SPTLC3: variants seen among roughly 807,000 people sequenced by gnomAD.
The protein encoded by SPTLC3 is serine palmitoyltransferase 3.
In SPTLC3, 36 loss-of-function variants were observed where a neutral mutation model predicts 59.3. The ratio of observed to expected loss-of-function variants is 0.61; its 90% CI spans 0.47 to 0.80. The LOEUF is 0.80. SPTLC3 is among the 30% of genes least tolerant of loss of function. The pLI is 0.00. For synonymous variants in SPTLC3, 257 were observed against 240.8 expected, an observed-to-expected ratio of 1.07 and a Z score of -0.62; for missense variants, 625 against 685.1, an observed-to-expected ratio of 0.91 and a Z score of 0.98.
intron 6 of SPTLC3, among the ~76,000 whole-genome samples, chr20:13,108,033 C>T (rs1990002821): frequency 6.6e-6 from 1 of 152,018 alleles, no homozygotes; most frequent in South Asian, 2.1e-4. Flanking sequence ...TAGTATGCAG[C>T]ATCTTATTCA....
At chr20:13,029,968 G>A (rs1404668734) in intron 1 of SPTLC3, among the ~76,000 whole-genome samples, 3 of 152,200 alleles carry the variant, frequency 2.0e-5, no homozygotes, top group African/African-American at 4.8e-5. Context: ...TCTAGCATCA[G>A]GGGACAGGAA....
intron 9 of SPTLC3, among the ~76,000 whole-genome samples, chr20:13,143,203 G>T (rs1254739651): frequency 3.3e-5 from 5 of 152,188 alleles, no homozygotes; most frequent in Non-Finnish European, 7.3e-5. Flanking sequence ...GGCCAGGTTG[G>T]CTGTAGGTGC....
chr20:13,111,507 G>A (rs75590479), intron 7 of SPTLC3, among the ~76,000 whole-genome samples: 4,806 of 152,302 alleles, frequency 0.032, 118 homozygotes, highest in South Asian at 0.078. Context: ...TCAAAATGTC[G>A]ATAGTGCTAA....
At chr20:13,125,778 G>A (rs2122788946) in intron 8 of SPTLC3, among the ~76,000 whole-genome samples, 1 of 152,296 alleles carries the variant, frequency 6.6e-6, no homozygotes, top group South Asian at 2.1e-4. Context: ...GGCATTTTGA[G>A]GCATAGACCC....
At chr20:13,154,432 C>A (rs949522969) in intron 10 of SPTLC3, among the ~76,000 whole-genome samples, 1 of 152,116 alleles carries the variant, frequency 6.6e-6, no homozygotes, top group African/African-American at 2.4e-5. Context: ...CAATCCTGAG[C>A]CTCCTTCTGA....
intron 1 of SPTLC3, among the ~76,000 whole-genome samples, chr20:13,024,930 G>A (rs1986070711): frequency 6.6e-6 from 1 of 152,148 alleles, no homozygotes; most frequent in Non-Finnish European, 1.5e-5. Context: ...CATGAAGAAA[G>A]CAAAGGCCAG....
intron 1 of SPTLC3, among the ~76,000 whole-genome samples, chr20:13,028,690 A>C (rs1401078612): frequency 3.5e-5 from 5 of 143,218 alleles, no homozygotes; most frequent in Non-Finnish European, 7.4e-5. Context: ...AAGTAGATAC[A>C]AGATAAGAAT....
At chr20:13,056,297 G>A (rs903570531) in intron 2 of SPTLC3, among the ~76,000 whole-genome samples, 3 of 152,102 alleles carry the variant, frequency 2.0e-5, no homozygotes, top group African/African-American at 7.2e-5. Context: ...AGATAAATGT[G>A]CCTTTCACAT....
At chr20:13,086,884 C>T (rs1367446828) in intron 4 of SPTLC3, among the ~76,000 whole-genome samples, 12 of 152,216 alleles carry the variant, frequency 7.9e-5, no homozygotes, top group South Asian at 6.2e-4. Flanking sequence ...GCCTCAACCT[C>T]CTAAGCTCAA....
chr20:13,090,966 C>T, intron 4 of SPTLC3, 117 bp from the exon 5 acceptor site: 1 of 1,390,286 alleles, frequency 7.2e-7, no homozygotes, highest in Non-Finnish European at 9.7e-7. Flanking sequence ...GCAAATCTTC[C>T]TGCTACAAGC....
chr20:13,126,484 G>T, intron 8 of SPTLC3, 107 bp from the exon 9 acceptor site: 1 of 1,337,826 alleles, frequency 7.5e-7, no homozygotes, highest in Non-Finnish European at 1.0e-6. Flanking sequence ...TTGAGCATGA[G>T]ATCAAATGTC....
chr20:13,023,745 T>C (rs550156218), intron 1 of SPTLC3, among the ~76,000 whole-genome samples: 29 of 152,326 alleles, frequency 1.9e-4, no homozygotes, highest in Middle Eastern at 6.8e-3. Flanking sequence ...TCTCTATTGC[T>C]ATCCAGATAT....
intron 2 of SPTLC3, 146 bp from the exon 3 acceptor site, chr20:13,072,110 C>G (rs1352534310): frequency 1.2e-6 from 1 of 806,674 alleles, no homozygotes; most frequent in Non-Finnish European, 1.9e-6. Flanking sequence ...CACAGATTTA[C>G]TTCCCTCACC....
At chr20:13,094,591 A>G (rs1989347468) in intron 6 of SPTLC3, among the ~76,000 whole-genome samples, 1 of 152,220 alleles carries the variant, frequency 6.6e-6, no homozygotes, top group African/African-American at 2.4e-5. Context: ...GAACTGAGGA[A>G]GAATTGTTTC....
At chr20:13,079,317 G>A (rs1236594893) in intron 4 of SPTLC3, among the ~76,000 whole-genome samples, 1 of 152,124 alleles carries the variant, frequency 6.6e-6, no homozygotes, top group Non-Finnish European at 1.5e-5. Flanking sequence ...GATAAGAAGA[G>A]TATTTCAGAT....
intron 6 of SPTLC3, among the ~76,000 whole-genome samples, chr20:13,104,721 T>C (rs996909717): frequency 2.6e-5 from 4 of 152,170 alleles, no homozygotes; most frequent in Non-Finnish European, 5.9e-5. Flanking sequence ...TGGTGTGTCA[T>C]TGTGACTCAA....
chr20:13,077,974 G>T (rs1245260195), intron 4 of SPTLC3, among the ~76,000 whole-genome samples: 1 of 151,666 alleles, frequency 6.6e-6, no homozygotes, highest in African/African-American at 2.4e-5. Context: ...TAAGTCACTG[G>T]AGGTGATTCT....
At chr20:13,083,527 G>A (rs1328810958) in intron 4 of SPTLC3, among the ~76,000 whole-genome samples, 1 of 152,132 alleles carries the variant, frequency 6.6e-6, no homozygotes, top group African/African-American at 2.4e-5. Flanking sequence ...ACAGAACTGA[G>A]GTTCAGCAAG....
intron 1 of SPTLC3, among the ~76,000 whole-genome samples, chr20:13,043,237 T>C (rs1170555252): frequency 6.6e-6 from 1 of 152,202 alleles, no homozygotes; most frequent in African/African-American, 2.4e-5. Context: ...TTAGCTCCAG[T>C]GCTCTAGATT....
Sources: allele counts gnomAD v4.1 joint callset (sites outside exome capture counted in the v4.1 genomes callset), GRCh38; gene constraint gnomAD v4.1.1; transcripts MANE v1.5; gene names NCBI Gene and HGNC (gene_info 2026-07-23, HGNC 2026-07-21).